Variants in SEC23IP observed in about 807,000 individuals in gnomAD.
The protein encoded by SEC23IP is SEC23-interacting protein.
In SEC23IP, 70 loss-of-function variants were observed where a neutral mutation model predicts 113.4. The ratio of observed to expected loss-of-function variants is 0.62; its 90% CI spans 0.51 to 0.75. SEC23IP has a LOEUF of 0.75. SEC23IP is among the 30% of genes least tolerant of loss of function. The pLI is 0.00. For synonymous variants in SEC23IP, 398 were observed against 421.0 expected, an observed-to-expected ratio of 0.95 and a Z score of 0.67; for missense variants, 1,160 against 1,204.9, an observed-to-expected ratio of 0.96 and a Z score of 0.55.
At chr10:119,915,161 A>G (rs1309649859) in intron 7 of SEC23IP, among the ~76,000 whole-genome samples, 1 of 152,222 alleles carries the variant, frequency 6.6e-6, no homozygotes, top group African/African-American at 2.4e-5. Context: ...GGAAACATGA[A>G]TCTGCCTGGT....
chr10:119,914,881 G>T, intron 7 of SEC23IP, 62 bp downstream of exon 7: 1 of 1,486,768 alleles, frequency 6.7e-7, no homozygotes, highest in African/African-American at 1.4e-5. Flanking sequence ...GAGCTTTGGA[G>T]TATTCATTTT....
At chr10:119,939,662 G>A (rs117503883) in intron 18 of SEC23IP, among the ~76,000 whole-genome samples, 7,038 of 152,154 alleles carry the variant, frequency 0.046, 234 homozygotes, top group East Asian at 0.12. Context: ...GCGACAGGGC[G>A]AGACTCTGTC....
At position 119,908,967 on chromosome 10, in the gene SEC23IP, G is replaced by A. The variant is rs1227295638; in HGVS notation, c.1102-74G>A. 5 of 971,182 alleles carry A rather than the reference G, an allele frequency of 5.1e-6. No homozygotes were observed. The African/African-American group carries it at 8.2e-5, about 16-fold the overall frequency. 60.2% of individuals were successfully genotyped at this position (971,182 alleles called of 1,614,324 possible). A position where few individuals can be genotyped will look rare whatever the true frequency, so the allele number is the denominator to read the frequency against. ...TATTTTTATCACCATTATAGTGACC[G>A]TTTTCCTCCATACTTTCTCTCCATG... On this transcript the variant is annotated intron_variant, in intron 4 of 18. Transcript: ENST00000369075.
intron 4 of SEC23IP, among the ~76,000 whole-genome samples, chr10:119,907,463 AT>A (rs1224746140): frequency 6.6e-6 from 1 of 152,242 alleles, no homozygotes. Flanking sequence ...AATTAAAAAA[AT>A]AAATGAACAA....
In SEC23IP at chr10:119,933,141, C is replaced by G. The variant is rs146444843; in HGVS notation, c.2895C>G (p.Phe965Leu). Residue 965 changes from phenylalanine to leucine, a missense_variant, in exon 17 of 19, where the codon TTC becomes TTG. Transcript: ENST00000369075. Reference sequence around the variant, plus strand: ...TAGAGAGTTTTAATGAATACCTTTTCGCTCTTCAGAGTCACTTATGCTATT... The same window carrying G: ...TAGAGAGTTTTAATGAATACCTTTTGGCTCTTCAGAGTCACTTATGCTATT... The part of the protein sequence containing the change: ...KPIESFNEYL[F>L]ALQSHLCYWE... The G allele has an allele frequency of 6.2e-7, 1 of 1,613,896 alleles. No homozygotes were observed. Among genetic ancestry groups the G allele is most frequent in the Admixed American group, 1.7e-5 (1 of 59,990 alleles).
At chr10:119,913,962 G>A (rs571762980) in intron 6 of SEC23IP, among the ~76,000 whole-genome samples, 26 of 150,840 alleles carry the variant, frequency 1.7e-4, no homozygotes, top group African/African-American at 6.1e-4. Flanking sequence ...GACCAGCCTG[G>A]CCAACTTGGT....
intron 11 of SEC23IP, among the ~76,000 whole-genome samples, chr10:119,920,270 T>G (rs1855206750): frequency 6.6e-6 from 1 of 152,190 alleles, no homozygotes; most frequent in Admixed American, 6.5e-5. Flanking sequence ...TAGAGAAATA[T>G]TCAAACAAGA....
At chr10:119,914,696 T>C (rs1564914028) in intron 6 of SEC23IP, 34 bp from the exon 7 acceptor site, 2 of 1,550,624 alleles carry the variant, frequency 1.3e-6, no homozygotes, top group Non-Finnish European at 1.8e-6. Context: ...CAAATTCCCA[T>C]CTTTTATGTA....
chr10:119,898,500 A>C lies in SEC23IP; in HGVS notation c.237A>C (p.Thr79=), dbSNP rs780270679. 1.1e-5 allele frequency: 17 copies of C among 1,614,108 alleles called. No homozygotes were observed. The South Asian group carries it at 1.5e-4, about 15-fold the overall frequency. The change falls in exon 2 of 19, where the codon ACA becomes ACC. Residue 79 remains threonine (T), a synonymous_variant. Transcript: ENST00000369075. ...CTATTCACACATCTGCCCCACAGAC[A>C]TTTAGTTACTTCTCTCAGGTATCAA... The part of the protein sequence containing the change: ...QTSIHTSAPQ[T]FSYFSQVSSS...
In SEC23IP at chr10:119,915,885, G is replaced by C. The variant is rs760182640; in HGVS notation, c.1540G>C (p.Asp514His). 2.0e-5 allele frequency: 31 copies of C among 1,522,668 alleles called. No homozygotes were observed. The highest frequency in any genetic ancestry group is 2.6e-5 in the Non-Finnish European group (30 of 1,132,138). The allele number at this position is 1,522,668 out of a possible 1,614,324, so 94.3% of individuals were successfully genotyped here. The change falls in exon 8 of 19, where the codon GAC (aspartate) becomes CAC (histidine). Residue 514 changes from aspartate to histidine, a missense_variant. By Grantham distance (81) the Asp-to-His change is moderately conservative (BLOSUM62 -1). Coordinates refer to ENST00000369075, the MANE Select transcript of SEC23IP (RefSeq NM_007190.4). ...SSLGGDATGV[D>H]RNIKKITLPS... ...TTTGGGTGGGGACGCCACAGGTGTG[G>C]ACAGGTTTGTGGATTTTGATAACTT...
chr10:119,922,439 A>G (rs1201914381), intron 12 of SEC23IP, among the ~76,000 whole-genome samples: 1 of 152,192 alleles, frequency 6.6e-6, no homozygotes. Flanking sequence ...ACATTACAAA[A>G]TGCTGACCTG....
intron 2 of SEC23IP, 127 bp from the exon 3 acceptor site, chr10:119,902,672 A>C: frequency 1.3e-6 from 1 of 765,692 alleles, no homozygotes; most frequent in Non-Finnish European, 2.2e-6. Flanking sequence ...TTTGGGGTCT[A>C]GTTATTACAC....
chr10:119,925,659 A>G (rs1412872128), intron 12 of SEC23IP, among the ~76,000 whole-genome samples: 1 of 152,050 alleles, frequency 6.6e-6, no homozygotes, highest in Non-Finnish European at 1.5e-5. Flanking sequence ...CTCCCACCCT[A>G]GCCTCCTGAG....
chr10:119,910,830 C>T (rs1286669768), intron 5 of SEC23IP, among the ~76,000 whole-genome samples: 3 of 151,574 alleles, frequency 2.0e-5, no homozygotes, highest in Non-Finnish European at 4.4e-5. Context: ...TACAGGTGTG[C>T]GCCACCTTGC....
chr10:119,937,358 G>T (rs756169061), intron 18 of SEC23IP, among the ~76,000 whole-genome samples: 14 of 151,430 alleles, frequency 9.2e-5, no homozygotes, highest in Non-Finnish European at 1.8e-4. Flanking sequence ...GGGCATGATG[G>T]CTCACGCCTG....
intron 4 of SEC23IP, chr10:119,904,493 C>T (rs1854600868): frequency 1.9e-6 from 1 of 525,874 alleles, no homozygotes. Flanking sequence ...TGCAGAGACA[C>T]ATCACAGATC....
chr10:119,925,381 C>G (rs780287742), intron 12 of SEC23IP, among the ~76,000 whole-genome samples: 7 of 152,218 alleles, frequency 4.6e-5, no homozygotes, highest in Non-Finnish European at 8.8e-5. Flanking sequence ...TTTTGAGATT[C>G]GTCTAATGAG....
chr10:119,926,085 G>A lies in SEC23IP; in HGVS notation c.2171G>A (p.Gly724Glu). The A allele has an allele frequency of 6.2e-7, 1 of 1,614,082 alleles. No individual in the cohort carries two copies. Among genetic ancestry groups the A allele is most frequent in the South Asian group, 1.1e-5 (1 of 91,080 alleles). The change falls in exon 13 of 19, where the codon GGA (glycine) becomes GAA (glutamate). Residue 724 changes from glycine to glutamate, a missense_variant. Gly to Glu is a moderately conservative substitution (Grantham distance 98). Transcript: ENST00000369075. The part of the protein sequence containing the change: ...KKAVAATSTK[G>E]QEQSAQKTKD... ...GCAGTGGCGGCCACTTCTACAAAAGGACAAGAGCAAAGTGCCCAGAAGACT... is the reference window on the plus strand; with the variant it reads ...GCAGTGGCGGCCACTTCTACAAAAGAACAAGAGCAAAGTGCCCAGAAGACT...
chr10:119,901,044 T>G (rs201294023), intron 2 of SEC23IP, among the ~76,000 whole-genome samples: 1 of 43,006 alleles, frequency 2.3e-5, no homozygotes, highest in Non-Finnish European at 4.2e-5. Context: ...TTTTAAAGAG[T>G]GGGGGGGGGG....
Sources: gnomAD v4.1 joint callset for allele counts (sites outside exome capture counted in the v4.1 genomes callset) on GRCh38, gnomAD v4.1.1 for gene constraint, MANE v1.5 for transcripts, NCBI Gene and HGNC (gene_info 2026-07-23, HGNC 2026-07-21) for gene names.